Variants in CRISP2 observed in about 807,000 individuals in gnomAD.
The protein encoded by CRISP2 is cysteine-rich secretory protein 2.
In CRISP2, 29 loss-of-function variants were observed where a neutral mutation model predicts 31.7. The ratio of observed to expected loss-of-function variants is 0.92; its 90% CI spans 0.68 to 1.25. The LOEUF (loss-of-function observed/expected upper bound fraction) is 1.25. Ranked by LOEUF, CRISP2 falls within the 50% of genes most tolerant of loss-of-function variation. CRISP2 has a pLI of 0.00. For missense variants in CRISP2, 318 were observed against 286.5 expected (o/e 1.11, Z -0.79); for synonymous variants, 111 against 101.4 (o/e 1.09, Z -0.57).
At chr6:49,711,809 T>C (rs751291620) in intron 2 of CRISP2, among the ~76,000 whole-genome samples, 2 of 152,246 alleles carry the variant, frequency 1.3e-5, no homozygotes, top group Admixed American at 1.3e-4. Flanking sequence ...AGTGTTTTTC[T>C]TATGTAAAAT....
In CRISP2 at chr6:49,695,891, G is replaced by GT. The variant is rs772260296; in HGVS notation, c.548dup (p.Tyr183Ter). ...AACCGGCACAAGGTGTTCCTTGTTG[G>GT]TACGGGGTATTCTTTCTATTCATAT... ...GNNMNRKNTP[Y>*]QQGTPCAGCP... is the part of the protein sequence containing the mutation. Residue 183 changes from tyrosine (Y) to a stop codon, truncating the protein, a stop_gained and frameshift_variant, in exon 9 of 10, where the codon TAC becomes TAAC. Coordinates refer to ENST00000339139, the MANE Select transcript of CRISP2 (RefSeq NM_003296.4). LOFTEE classifies it high-confidence loss of function. The GT allele has an allele frequency of 1.2e-6, 2 of 1,612,736 alleles. No individual in the cohort carries two copies. The highest frequency in any genetic ancestry group is 1.3e-5 in the African/African-American group (1 of 74,970).
Position 49,698,656 on chromosome 6 carries a change from A to T in CRISP2, c.272-149T>A, listed in dbSNP as rs952604450. 3.8e-6 allele frequency: 3 copies of T among 796,856 alleles called. No homozygotes were observed. In the African/African-American group the frequency reaches 5.3e-5, roughly 14 times the overall value. 49.4% of individuals were successfully genotyped at this position (796,856 alleles called of 1,614,324 possible). On this transcript the variant is annotated intron_variant, in intron 6 of 9. Coordinates refer to ENST00000339139, the MANE Select transcript of CRISP2 (RefSeq NM_003296.4). ...ACATAAAGGAGTGCCTCAGTTCCTT[A>T]TCAGCTATAAAGCTGATTAGAACAC...
intron 4 of CRISP2, among the ~76,000 whole-genome samples, chr6:49,704,452 T>C (rs1239252827): frequency 1.3e-5 from 2 of 152,108 alleles, no homozygotes; most frequent in East Asian, 3.9e-4. Flanking sequence ...TACCAGAATT[T>C]TTTTCTGGTT....
the CRISP2 span, among the ~76,000 whole-genome samples, chr6:49,682,609 T>C: frequency 1.5e-5 from 1 of 67,460 alleles, no homozygotes; most frequent in East Asian, 9.3e-4. Context: ...CTTTCTTTCT[T>C]TCTTTCTTTC....
chr6:49,691,261 A>G (rs991103482), downstream of CRISP2, among the ~76,000 whole-genome samples: 4 of 152,050 alleles, frequency 2.6e-5, no homozygotes, highest in African/African-American at 9.7e-5. Flanking sequence ...TTGCAGTTAC[A>G]AATATAAATA....
chr6:49,691,083 T>C (rs1764037541), downstream of CRISP2, among the ~76,000 whole-genome samples: 1 of 151,982 alleles, frequency 6.6e-6, no homozygotes, highest in East Asian at 1.9e-4. Flanking sequence ...AAGGACCAGA[T>C]CAGATCTTCC....
At chr6:49,699,608 C>A (rs1021821865) in intron 6 of CRISP2, among the ~76,000 whole-genome samples, 196 bp downstream of exon 6, 15 of 152,106 alleles carry the variant, frequency 9.9e-5, no homozygotes, top group Admixed American at 9.2e-4. Flanking sequence ...AAATTATTTG[C>A]ATAATGTACA....
At chr6:49,694,432 C>T (rs1258045440) in intron 9 of CRISP2, among the ~76,000 whole-genome samples, 1 of 152,130 alleles carries the variant, frequency 6.6e-6, no homozygotes, top group Non-Finnish European at 1.5e-5. Flanking sequence ...GGTCTAGAGG[C>T]CCACCAATCT....
At position 49,692,762 on chromosome 6, in the gene CRISP2, C is replaced by T. The variant is rs76267147; in HGVS notation, c.*11G>A. ...TATCCATGCAGTCTTGCACAATGCT[C>T]ACTAGGTAAATCAGTAAATTTTGTT... is the stretch of plus-strand genomic sequence containing the variant. On this transcript the variant is annotated 3_prime_UTR_variant, in exon 10 of 10. Transcript: ENST00000339139. The T allele has an allele frequency of 2.5e-6, 4 of 1,610,864 alleles. No individual in the cohort carries two copies. Among genetic ancestry groups the T allele is most frequent in the African/African-American group, 1.3e-5 (1 of 74,870 alleles).
the CRISP2 span, among the ~76,000 whole-genome samples, chr6:49,678,199 C>T: frequency 1.3e-5 from 2 of 152,254 alleles, no homozygotes; most frequent in African/African-American, 2.4e-5. Context: ...ATACCCTGAA[C>T]ATCAGTATGG....
intron 3 of CRISP2, 58 bp from the exon 4 acceptor site, chr6:49,709,263 A>G (rs1280693800): frequency 5.7e-6 from 8 of 1,412,876 alleles, no homozygotes; most frequent in East Asian, 2.3e-5. Context: ...AACTTCTAAG[A>G]GGGGGAATAC....
chr6:49,691,448 GAC>G (rs1400321381), downstream of CRISP2, among the ~76,000 whole-genome samples: 1 of 151,958 alleles, frequency 6.6e-6, no homozygotes, highest in Non-Finnish European at 1.5e-5. Flanking sequence ...TTATCTTCTA[GAC>G]ACAGTTTAAT....
chr6:49,702,677 T>A (rs1276014937), intron 4 of CRISP2, among the ~76,000 whole-genome samples: 1 of 152,120 alleles, frequency 6.6e-6, no homozygotes, highest in Non-Finnish European at 1.5e-5. Context: ...TTTGTTTTAG[T>A]TCCTTGTAGA....
intron 8 of CRISP2, 84 bp downstream of exon 8, chr6:49,697,776 T>A (rs1765016920): frequency 6.2e-7 from 1 of 1,603,200 alleles, no homozygotes. Context: ...AGATATGTTT[T>A]CATTCTGGTT....
intron 4 of CRISP2, among the ~76,000 whole-genome samples, chr6:49,705,202 G>T (rs1360146945): frequency 6.6e-6 from 1 of 151,972 alleles, no homozygotes; most frequent in African/African-American, 2.4e-5. Context: ...GTGCAAGATG[G>T]GGGTGTGGTT....
At chr6:49,694,654 A>C (rs1047974875) in intron 9 of CRISP2, among the ~76,000 whole-genome samples, 1 of 152,138 alleles carries the variant, frequency 6.6e-6, no homozygotes, top group African/African-American at 2.4e-5. Context: ...ACAGCAGCTG[A>C]TACCAGCTGA....
downstream of CRISP2, among the ~76,000 whole-genome samples, chr6:49,691,345 G>A (rs1376174104): frequency 6.6e-6 from 1 of 151,944 alleles, no homozygotes; most frequent in Non-Finnish European, 1.5e-5. Flanking sequence ...ATTAAGATTA[G>A]GATGAAGAAA....
At chr6:49,684,625 C>T in the CRISP2 span, among the ~76,000 whole-genome samples, 2 of 152,176 alleles carry the variant, frequency 1.3e-5, no homozygotes, top group Non-Finnish European at 2.9e-5. Context: ...GAATATCTTA[C>T]ATACTTAACT....
At chr6:49,688,328 T>A (rs2127378088), downstream of CRISP2, among the ~76,000 whole-genome samples, 1 of 152,358 alleles carries the variant, frequency 6.6e-6, no homozygotes. Flanking sequence ...CTGTTAATAC[T>A]AGAAGACTTT....
Sources: gnomAD v4.1 joint callset for allele counts (sites outside exome capture counted in the v4.1 genomes callset) on GRCh38, gnomAD v4.1.1 for gene constraint, MANE v1.5 for transcripts, NCBI Gene and HGNC (gene_info 2026-07-23, HGNC 2026-07-21) for gene names.